The following TEX9 variants were observed in gnomAD, a reference collection of about 807,000 sequenced individuals.
The protein encoded by TEX9 is testis-expressed protein 9.
TEX9 carries 74 observed loss-of-function variants against 59.6 expected under a neutral mutation model. The ratio of observed to expected loss-of-function variants is 1.24; its 90% CI spans 1.03 to 1.51. The LOEUF is 1.51. Ranked by LOEUF, TEX9 falls within the 40% of genes most tolerant of loss-of-function variation. TEX9 has a pLI of 0.00. For missense variants in TEX9, 522 were observed against 447.8 expected (o/e 1.17, Z -1.49); for synonymous variants, 186 against 152.2 (o/e 1.22, Z -1.64).
At chr15:56,448,803 G>C (rs2050927110), downstream of TEX9, among the ~76,000 whole-genome samples, 1 of 147,528 alleles carries the variant, frequency 6.8e-6, no homozygotes, top group Non-Finnish European at 1.5e-5. Context: ...ATTCAGGCTG[G>C]AGTGCAGTGG....
intron 1 of TEX9, among the ~76,000 whole-genome samples, chr15:56,311,020 C>T (rs1308860232): frequency 4.6e-5 from 7 of 152,126 alleles, no homozygotes; most frequent in Non-Finnish European, 7.4e-5. Flanking sequence ...TAGAACCCTT[C>T]AGAATTTTCT....
intron 1 of TEX9, among the ~76,000 whole-genome samples, chr15:56,279,145 A>G (rs2044754583): frequency 6.6e-6 from 1 of 152,178 alleles, no homozygotes; most frequent in Admixed American, 6.6e-5. Flanking sequence ...GCCAGTGACA[A>G]GGATTTTAAA....
At chr15:56,412,180 GT>G in intron 9 of TEX9, 121 bp from the exon 10 acceptor site, 2 of 859,900 alleles carry the variant, frequency 2.3e-6, no homozygotes, top group Non-Finnish European at 3.5e-6. Flanking sequence ...AAGCGTGTGT[GT>G]GTGTGTGTGT....
At chr15:56,244,511 C>T (rs910053140) in intron 1 of TEX9, among the ~76,000 whole-genome samples, 2 of 152,238 alleles carry the variant, frequency 1.3e-5, no homozygotes, top group African/African-American at 4.8e-5. Context: ...GTCTCCATGC[C>T]ATCCTCAACG....
intron 4 of TEX9, among the ~76,000 whole-genome samples, chr15:56,386,383 T>C (rs2047961546): frequency 6.6e-6 from 1 of 151,860 alleles, no homozygotes; most frequent in Non-Finnish European, 1.5e-5. Flanking sequence ...AGCTAAAACA[T>C]ATTGACCTGT....
chr15:56,376,332 T>C (rs2047451209), intron 3 of TEX9, among the ~76,000 whole-genome samples: 4 of 152,168 alleles, frequency 2.6e-5, no homozygotes, highest in Admixed American at 2.0e-4. Flanking sequence ...ACCTCCAAAC[T>C]GTTTCCTTTG....
rs534159928 is a variant in TEX9 at position 56,271,143 on chromosome 15, G to C, written c.-107+26865G>C. On this transcript the variant is annotated intron_variant, in intron 1 of 5. Transcript: ENST00000560827. ...GTTGCTCTTCTCGTGGAGTATCTTT[G>C]TGGTGGTCTCTGTATTTCCTGAATT... Among the ~76,000 whole-genome samples the C allele has an allele frequency of 2.6e-5, 4 of 152,182 alleles. No homozygotes were observed. The South Asian group carries it at 8.3e-4, about 32-fold the overall frequency.
At chr15:56,316,612 C>A (rs375215843) in intron 1 of TEX9, among the ~76,000 whole-genome samples, 1 of 152,066 alleles carries the variant, frequency 6.6e-6, no homozygotes, top group Non-Finnish European at 1.5e-5. Flanking sequence ...TGTTTGTCTG[C>A]GCCCTGCCCC....
At chr15:56,446,964 AAATTT>A (rs1567152259), downstream of TEX9, 3 of 1,542,128 alleles carry the variant, frequency 1.9e-6, no homozygotes, top group Non-Finnish European at 8.9e-7. Context: ...AAACAAAAAC[AAATTT>A]AAATGTTAGG....
chr15:56,444,613 CTTCCT>C (rs2050876471), intron 12 of TEX9: 2 of 1,613,160 alleles, frequency 1.2e-6, no homozygotes, highest in Non-Finnish European at 8.5e-7. Context: ...GCAGCATTCT[CTTCCT>C]TTATTATTCT....
chr15:56,333,231 G>A (rs1385499301), intron 1 of TEX9, among the ~76,000 whole-genome samples: 20 of 152,064 alleles, frequency 1.3e-4, no homozygotes, highest in East Asian at 1.9e-4. Context: ...CCTACAGGCC[G>A]TTATCTCTGA....
intron 1 of TEX9, among the ~76,000 whole-genome samples, chr15:56,300,708 G>GGGAGAGAGAGAGAGAGAGAGAGA (rs1160272154): frequency 9.7e-6 from 1 of 102,720 alleles, no homozygotes; most frequent in African/African-American, 3.9e-5. Flanking sequence ...AGAGAGAGAG[G>GGGAGAGAGAGAGAGAGAGAGAGA]GAGAGAGAGA....
At chr15:56,355,863 T>C (rs1237842209) in intron 1 of TEX9, among the ~76,000 whole-genome samples, 1 of 152,118 alleles carries the variant, frequency 6.6e-6, no homozygotes, top group Non-Finnish European at 1.5e-5. Flanking sequence ...CAATTGTTCA[T>C]ACTAATTATG....
At chr15:56,436,916 C>T (rs2050736020) in intron 12 of TEX9, among the ~76,000 whole-genome samples, 1 of 152,096 alleles carries the variant, frequency 6.6e-6, no homozygotes, top group African/African-American at 2.4e-5. Flanking sequence ...GAAGTTGAAT[C>T]CCTGAATAGA....
At chr15:56,249,330 A>G (rs1317372309) in intron 1 of TEX9, among the ~76,000 whole-genome samples, 1 of 152,178 alleles carries the variant, frequency 6.6e-6, no homozygotes, top group Admixed American at 6.5e-5. Context: ...AGGACTCCTT[A>G]GAATGCAGTG....
intron 1 of TEX9, among the ~76,000 whole-genome samples, chr15:56,292,470 C>T (rs1436833075): frequency 6.6e-6 from 1 of 152,130 alleles, no homozygotes; most frequent in Non-Finnish European, 1.5e-5. Context: ...GGTTTTAACA[C>T]TATACAGGCA....
chr15:56,316,045 CCTT>C (rs1456551892), intron 1 of TEX9, among the ~76,000 whole-genome samples: 7 of 150,392 alleles, frequency 4.7e-5, no homozygotes, highest in Non-Finnish European at 8.9e-5. Flanking sequence ...TCTAGTTATA[CCTT>C]CTTCTAAATT....
At chr15:56,371,220 CTT>C (rs770660293) in intron 2 of TEX9, among the ~76,000 whole-genome samples, 2 of 152,122 alleles carry the variant, frequency 1.3e-5, no homozygotes, top group Non-Finnish European at 2.9e-5. Context: ...GTTAACCTGT[CTT>C]TTGTGTTTTT....
intron 1 of TEX9, among the ~76,000 whole-genome samples, chr15:56,356,746 A>G (rs1244997798): frequency 1.3e-5 from 2 of 152,128 alleles, no homozygotes; most frequent in Non-Finnish European, 2.9e-5. Context: ...TGTGATAATT[A>G]AAGAAATGAG....
Sources: gnomAD v4.1 joint callset for allele counts (sites outside exome capture counted in the v4.1 genomes callset) on GRCh38, gnomAD v4.1.1 for gene constraint, MANE v1.5 for transcripts, NCBI Gene and HGNC (gene_info 2026-07-23, HGNC 2026-07-21) for gene names.